GIGYF2: variants seen among roughly 807,000 people sequenced by gnomAD.
GIGYF2 encodes the protein GRB10-interacting GYF protein 2.
GIGYF2 carries 25 observed loss-of-function variants against 208.1 expected under a neutral mutation model. The ratio of observed to expected loss-of-function variants is 0.12; its 90% CI spans 0.09 to 0.17. The LOEUF (loss-of-function observed/expected upper bound fraction) is 0.17. Ranked by LOEUF, GIGYF2 falls within the 10% of genes least tolerant of loss-of-function variation. The pLI is 1.00. For synonymous variants in GIGYF2, 534 were observed against 543.8 expected, an observed-to-expected ratio of 0.98 and a Z score of 0.25; for missense variants, 1,302 against 1,579.4, an observed-to-expected ratio of 0.82 and a Z score of 2.98.
chr2:232,832,384 G>T (rs541887222), intron 21 of GIGYF2, among the ~76,000 whole-genome samples: 1 of 152,334 alleles, frequency 6.6e-6, no homozygotes, highest in Admixed American at 6.5e-5. Flanking sequence ...GTTCTGAAGG[G>T]CCTGTGGGCC....
At chr2:232,845,351 G>T (rs1258129603) in intron 25 of GIGYF2, among the ~76,000 whole-genome samples, 3 of 152,146 alleles carry the variant, frequency 2.0e-5, no homozygotes, top group Non-Finnish European at 2.9e-5. Context: ...GAGCATCTTT[G>T]CCAGGCACTG....
chr2:232,768,124 T>C, intron 8 of GIGYF2: 1 of 1,500,742 alleles, frequency 6.7e-7, no homozygotes, highest in Admixed American at 1.7e-5. Flanking sequence ...AAACATGAGA[T>C]ACAGTAAAGA....
At chr2:232,829,746 C>A (rs1010216722) in intron 21 of GIGYF2, among the ~76,000 whole-genome samples, 3 of 152,118 alleles carry the variant, frequency 2.0e-5, no homozygotes, top group Admixed American at 1.3e-4. Flanking sequence ...TTCTTTATCC[C>A]AGAACTCTCT....
intron 8 of GIGYF2, among the ~76,000 whole-genome samples, chr2:232,773,275 T>C (rs1304675712): frequency 6.6e-6 from 1 of 152,208 alleles, no homozygotes; most frequent in Non-Finnish European, 1.5e-5. Context: ...AACAAAATCT[T>C]CATAGGCACT....
Position 232,844,219 on chromosome 2 carries a change from G to GCAACAC in GIGYF2, c.3066_3071dup (p.His1023_Gln1024dup). ...TGCAAAAGCAGCAGCAGCAGCAGCA[G>GCAACAC]CAACACCAGCAACCAAACAGAGCTC... On this transcript the variant is annotated inframe_insertion, in exon 24 of 29. Transcript: ENST00000373563. 1 of 1,564,616 alleles carries GCAACAC rather than the reference G, an allele frequency of 6.4e-7. No individual in the cohort carries two copies. The highest frequency in any genetic ancestry group is 8.7e-7 in the Non-Finnish European group (1 of 1,153,212).
intron 21 of GIGYF2, among the ~76,000 whole-genome samples, chr2:232,827,176 A>G (rs1228871792): frequency 7.1e-6 from 1 of 140,838 alleles, no homozygotes; most frequent in Non-Finnish European, 1.6e-5. Flanking sequence ...TGAAAATCCT[A>G]GGGCCCTCGG....
At chr2:232,738,433 C>A (rs1007613392) in intron 3 of GIGYF2, among the ~76,000 whole-genome samples, 1 of 152,118 alleles carries the variant, frequency 6.6e-6, no homozygotes, top group Non-Finnish European at 1.5e-5. Context: ...ATCTATATAA[C>A]CCTCCACCCT....
chr2:232,754,922 C>G (rs1461119020), intron 5 of GIGYF2, among the ~76,000 whole-genome samples: 17 of 151,394 alleles, frequency 1.1e-4, no homozygotes, highest in African/African-American at 3.6e-4. Context: ...TGATAAAGTT[C>G]CTAAAACTTA....
intron 23 of GIGYF2, among the ~76,000 whole-genome samples, chr2:232,842,291 A>G (rs149766127): frequency 6.6e-6 from 1 of 152,196 alleles, no homozygotes; most frequent in Non-Finnish European, 1.5e-5. Context: ...CCTGAGCTCA[A>G]GTGATTCTCC....
At chr2:232,797,981 C>CAAAA (rs57991158) in intron 14 of GIGYF2, among the ~76,000 whole-genome samples, 26 of 102,388 alleles carry the variant, frequency 2.5e-4, no homozygotes, top group African/African-American at 8.2e-4. Flanking sequence ...ACTGTGCCTC[C>CAAAA]AAAAAAAAAA....
intron 8 of GIGYF2, among the ~76,000 whole-genome samples, chr2:232,772,500 CATT>C (rs1202039688): frequency 1.1e-4 from 16 of 152,120 alleles, no homozygotes; most frequent in Admixed American, 1.0e-3. Flanking sequence ...AAAAAGATAA[CATT>C]AGTATAATTA....
chr2:232,777,579 G>A (rs573121017), intron 8 of GIGYF2, among the ~76,000 whole-genome samples: 1 of 151,940 alleles, frequency 6.6e-6, no homozygotes, highest in Non-Finnish European at 1.5e-5. Context: ...ATGCTACTTA[G>A]AAAGTGAAAT....
chr2:232,708,977 C>T (rs945695954), intron 2 of GIGYF2, among the ~76,000 whole-genome samples: 3 of 152,044 alleles, frequency 2.0e-5, no homozygotes, highest in Non-Finnish European at 4.4e-5. Flanking sequence ...CAAAATTAGC[C>T]GGATGTTGGT....
rs754002046 is a variant in GIGYF2 at position 232,819,912 on chromosome 2, C to T, written c.2456C>T (p.Ala819Val). The change falls in exon 21 of 29, where the codon GCT becomes GTT. Residue 819 changes from alanine (A) to valine (V), a missense_variant. By Grantham distance (64) the Ala-to-Val change is moderately conservative. Coordinates refer to ENST00000373563, the MANE Select transcript of GIGYF2 (RefSeq NM_001103146.3). ...EEEERQQQEE[A>V]LRRLEERRRE... ...GAAGAAAGACAGCAGCAAGAAGAAG[C>T]TCTTAGAAGACTGGAAGAGAGGAGA... 2 of 1,584,036 alleles carry T rather than the reference C, an allele frequency of 1.3e-6. No individual in the cohort carries two copies. The highest frequency in any genetic ancestry group is 1.7e-6 in the Non-Finnish European group (2 of 1,153,712).
chr2:232,758,664 A>G (rs1446102781), intron 6 of GIGYF2, among the ~76,000 whole-genome samples: 1 of 152,194 alleles, frequency 6.6e-6, no homozygotes, highest in East Asian at 1.9e-4. Context: ...AGTGCTAGTT[A>G]TAACTGAGAA....
chr2:232,825,070 C>T (rs1452884804), intron 21 of GIGYF2, among the ~76,000 whole-genome samples: 1 of 152,192 alleles, frequency 6.6e-6, no homozygotes, highest in Non-Finnish European at 1.5e-5. Context: ...AATATTACTG[C>T]TCATTGACAA....
intron 2 of GIGYF2, chr2:232,722,527 C>T (rs1396207059): frequency 6.6e-6 from 1 of 152,194 alleles, no homozygotes; most frequent in African/African-American, 2.4e-5. Context: ...CTAACCATAT[C>T]ACTTCTCTAT....
intron 8 of GIGYF2, among the ~76,000 whole-genome samples, chr2:232,785,818 A>T (rs1216929535): frequency 4.6e-5 from 7 of 152,378 alleles, no homozygotes. Flanking sequence ...GAATGACCAG[A>T]AATTAGAATT....
chr2:232,721,558 AG>A (rs1230447193), intron 2 of GIGYF2, among the ~76,000 whole-genome samples: 1 of 152,112 alleles, frequency 6.6e-6, no homozygotes, highest in African/African-American at 2.4e-5. Context: ...TTCCTTTATT[AG>A]GGTGGCCCTT....
Sources: allele counts gnomAD v4.1 joint callset (sites outside exome capture counted in the v4.1 genomes callset), GRCh38; gene constraint gnomAD v4.1.1; transcripts MANE v1.5; gene names NCBI Gene and HGNC (gene_info 2026-07-23, HGNC 2026-07-21).